The following COL18A1 variants were observed in gnomAD, a reference collection of about 807,000 sequenced individuals.
COL18A1 encodes collagen alpha-1(XVIII) chain.
In COL18A1, 133 loss-of-function variants were observed where a neutral mutation model predicts 168.0. The ratio of observed to expected loss-of-function variants is 0.79; its 90% CI spans 0.69 to 0.91. COL18A1 has a LOEUF of 0.91. COL18A1 is among the 40% of genes least tolerant of loss of function. The pLI is 0.00. For synonymous variants in COL18A1, 949 were observed against 809.0 expected, an observed-to-expected ratio of 1.17 and a Z score of -2.94; for missense variants, 2,126 against 1,925.4, an observed-to-expected ratio of 1.10 and a Z score of -1.95.
chr21:45,495,419 G>T lies in COL18A1; in HGVS notation c.2495G>T (p.Gly832Val). 1 of 1,610,058 alleles carries T rather than the reference G, an allele frequency of 6.2e-7. No homozygotes were observed. Among genetic ancestry groups the T allele is most frequent in the South Asian group, 1.1e-5 (1 of 90,354 alleles). ...EKGEPGDASL[G>V]FGMRGMPGPP... The stretch of plus-strand genomic sequence containing the variant: ...GGGGAGCCGGGAGATGCCAGCCTTG[G>T]ATTTGGCATGAGGGTGAGTGTCTCT... The change falls in exon 29 of 42, where the codon GGA (glycine) becomes GTA (valine). Residue 832 changes from glycine to valine, a missense_variant. By Grantham distance (109) the Gly-to-Val change is moderately radical (BLOSUM62 -3). Transcript: ENST00000651438.
chr21:45,512,487 CCCAGGACCTGGCT>C lies in COL18A1; in HGVS notation c.*90_*102del. ...AGGGAGCGGCCGGCCAGCCCCTGGC[CCCAGGACCTGGCT>C]GCCATACTTTCCTGTATAGTTCACG... On this transcript the variant is annotated 3_prime_UTR_variant, in exon 42 of 42. Coordinates refer to ENST00000651438, the MANE Select transcript of COL18A1 (RefSeq NM_001379500.1). 3 of 1,253,950 alleles carry C rather than the reference CCCAGGACCTGGCT, an allele frequency of 2.4e-6. No individual in the cohort carries two copies. The highest frequency in any genetic ancestry group is 2.5e-5 in the South Asian group (2 of 79,066). 77.7% of individuals were successfully genotyped at this position (1,253,950 alleles called of 1,614,324 possible).
rs890706026 is a variant in COL18A1 at position 45,513,316 on chromosome 21, CAG to C, written c.*919_*920del. The C allele has an allele frequency of 1.3e-5, 2 of 152,324 alleles. No homozygotes were observed. The highest frequency in any genetic ancestry group is 1.3e-4 in the Admixed American group (2 of 15,290). The allele number at this position is 152,324 out of a possible 1,614,324, so 9.4% of individuals were successfully genotyped here. A position where few individuals can be genotyped will look rare whatever the true frequency, so the allele number is the denominator to read the frequency against. ...CACAGGACATGCGGTAGCCAGCACA[CAG>C]GGCAGTGAGGGAGGGCTGTCATCTG... On this transcript the variant is annotated 3_prime_UTR_variant, in exon 42 of 42. Transcript: ENST00000651438.
At chr21:45,418,250 G>A (rs1030031100) in intron 2 of COL18A1, among the ~76,000 whole-genome samples, 1 of 152,234 alleles carries the variant, frequency 6.6e-6, no homozygotes, top group African/African-American at 2.4e-5. Context: ...TGGGGGCAGA[G>A]GGGTCTGCAT....
intron 7 of COL18A1, 33 bp from the exon 8 acceptor site, chr21:45,477,717 C>T (rs1044299539): frequency 1.3e-6 from 2 of 1,509,792 alleles, no homozygotes; most frequent in South Asian, 1.2e-5. Flanking sequence ...GGGCCCCACC[C>T]CAGCCCGAGC....
chr21:45,416,464 G>A (rs931309405), intron 2 of COL18A1, among the ~76,000 whole-genome samples: 2 of 152,188 alleles, frequency 1.3e-5, no homozygotes, highest in Non-Finnish European at 2.9e-5. Flanking sequence ...GGGGCAGGGC[G>A]GTGTTTGCTT....
chr21:45,472,770 C>G (rs1409090756), intron 3 of COL18A1, among the ~76,000 whole-genome samples: 3 of 151,398 alleles, frequency 2.0e-5, no homozygotes, highest in Non-Finnish European at 2.9e-5. Flanking sequence ...TGTGGGAAAC[C>G]TGTGGGAAAC....
At chr21:45,494,482 A>C in intron 26 of COL18A1, 63 bp from the exon 27 acceptor site, 1 of 1,611,676 alleles carries the variant, frequency 6.2e-7, no homozygotes, top group Non-Finnish European at 8.5e-7. Flanking sequence ...AGGGGCCCTC[A>C]GAGAGGCTGC....
intron 32 of COL18A1, chr21:45,497,915 C>T (rs1004138306): frequency 3.3e-6 from 2 of 608,880 alleles, no homozygotes; most frequent in African/African-American, 1.9e-5. Context: ...GATGGCTGCC[C>T]TTCCATGCTA....
chr21:45,496,898 C>G (rs1015928875), intron 30 of COL18A1, 152 bp from the exon 31 acceptor site: 18 of 705,012 alleles, frequency 2.6e-5, no homozygotes, highest in Non-Finnish European at 4.1e-5. Flanking sequence ...TCCTGCTCTC[C>G]GTACCCCTGT....
intron 2 of COL18A1, among the ~76,000 whole-genome samples, chr21:45,409,197 C>T (rs947099339): frequency 8.5e-5 from 13 of 152,258 alleles, no homozygotes; most frequent in African/African-American, 2.9e-4. Flanking sequence ...GAGAACAAGA[C>T]GACAGGCCTG....
At chr21:45,405,604 C>T in intron 2 of COL18A1, 131 bp downstream of exon 2, 1 of 443,626 alleles carries the variant, frequency 2.3e-6, no homozygotes, top group Non-Finnish European at 3.4e-6. Context: ...TGCCCACGCG[C>T]GCAGGAGGCG....
intron 4 of COL18A1, among the ~76,000 whole-genome samples, chr21:45,474,964 G>A (rs887942003): frequency 3.9e-5 from 6 of 152,320 alleles, no homozygotes; most frequent in South Asian, 2.1e-4. Flanking sequence ...TGCTGGGTGC[G>A]GGGGGTCGCC....
chr21:45,506,080 C>T lies in COL18A1; in HGVS notation c.3216+114C>T, dbSNP rs913567991. Reference sequence around the variant, plus strand: ...GACAGGGATGGGAGCAGGTGGCAGCCAGCGCTTCTTAAACTTTCAAACTTT... The same window carrying T: ...GACAGGGATGGGAGCAGGTGGCAGCTAGCGCTTCTTAAACTTTCAAACTTT... On this transcript the variant is annotated intron_variant, in intron 37 of 41. Transcript: ENST00000651438. 1.9e-5 allele frequency: 29 copies of T among 1,512,382 alleles called. No homozygotes were observed. In the Admixed American group the frequency reaches 2.7e-4, roughly 14 times the overall value. 93.7% of individuals were successfully genotyped at this position (1,512,382 alleles called of 1,614,324 possible).
chr21:45,453,478 C>A (rs2034700889), intron 2 of COL18A1, among the ~76,000 whole-genome samples: 1 of 152,194 alleles, frequency 6.6e-6, no homozygotes, highest in African/African-American at 2.4e-5. Flanking sequence ...TAGTAGCCAC[C>A]CTTGCCAGGT....
chr21:45,511,187 TCTC>T lies in COL18A1; in HGVS notation c.3773_3775del (p.Ser1258del), dbSNP rs760149649. 3.8e-6 allele frequency: 6 copies of T among 1,599,306 alleles called. No individual in the cohort carries two copies. The highest frequency in any genetic ancestry group is 5.1e-6 in the Non-Finnish European group (6 of 1,172,892). On this transcript the variant is annotated inframe_deletion, in exon 41 of 42. Coordinates refer to ENST00000651438, the MANE Select transcript of COL18A1 (RefSeq NM_001379500.1). ...CCGCTGAAGCCCGGGGCACGCATCTTCTCCTTTGACGGCAAGGACGTCCTGAGG... is the reference window on the plus strand; with the variant it reads ...CCGCTGAAGCCCGGGGCACGCATCTTCTTTGACGGCAAGGACGTCCTGAGG...
At chr21:45,494,153 A>G (rs1215099673) in intron 26 of COL18A1, 2 of 393,428 alleles carry the variant, frequency 5.1e-6, no homozygotes, top group Non-Finnish European at 9.6e-6. Flanking sequence ...CCTCAGACAC[A>G]GGATCCCCAG....
rs1294571759 is a variant in COL18A1 at position 45,423,430 on chromosome 21, C to T, written c.106+17957C>T. On this transcript the variant is annotated intron_variant, in intron 2 of 41. Transcript: ENST00000651438. The surrounding 1 kb of genome is among the most constrained non-coding windows in gnomAD (Gnocchi z 4.0). Reference sequence around the variant, plus strand: ...AGAGAAAGGCGTGGAGCTCCACAAGCACCTCGGACGGCAGCAGGACCCTCC... The same window carrying T: ...AGAGAAAGGCGTGGAGCTCCACAAGTACCTCGGACGGCAGCAGGACCCTCC... 6.6e-6 allele frequency among the ~76,000 whole-genome samples: 1 copy of T among 152,230 alleles called. No individual in the cohort carries two copies. Among genetic ancestry groups the T allele is most frequent in the Non-Finnish European group, 1.5e-5 (1 of 68,040 alleles).
At chr21:45,512,150 A>G in intron 41 of COL18A1, 38 bp from the exon 42 acceptor site, 2 of 1,589,004 alleles carry the variant, frequency 1.3e-6, no homozygotes, top group African/African-American at 2.7e-5. Flanking sequence ...TAAGCAGAGC[A>G]GGTCTGGGTT....
chr21:45,476,921 TTGTGTGTGTGTGTGTG>T (rs56196443), intron 6 of COL18A1, among the ~76,000 whole-genome samples: 1 of 146,860 alleles, frequency 6.8e-6, no homozygotes, highest in Non-Finnish European at 1.5e-5. Context: ...ATTATGTGTT[TTGTGTGTGTGTGTGTG>T]TGTGTGTGTG....
Sources: allele counts gnomAD v4.1 joint callset (sites outside exome capture counted in the v4.1 genomes callset), GRCh38; gene constraint gnomAD v4.1.1; non-coding constraint Gnocchi (gnomAD v3.1); transcripts MANE v1.5; gene names NCBI Gene and HGNC (gene_info 2026-07-23, HGNC 2026-07-21).